ZFPM2: variants seen among roughly 807,000 people sequenced by gnomAD.
The protein encoded by ZFPM2 is zinc finger protein ZFPM2.
In ZFPM2, 20 loss-of-function variants were observed where a neutral mutation model predicts 98.6. The ratio of observed to expected loss-of-function variants is 0.20; its 90% CI spans 0.14 to 0.29. The LOEUF (loss-of-function observed/expected upper bound fraction) is 0.29. Among genes scored for constraint, ZFPM2 ranks in the 10% least tolerant of loss-of-function variants. The pLI, the probability that ZFPM2 is intolerant of heterozygous loss-of-function variation, is 1.00. For missense variants in ZFPM2, 1,310 were observed against 1,388.6 expected (o/e 0.94, Z 0.90); for synonymous variants, 518 against 502.7 (o/e 1.03, Z -0.41).
chr8:105,337,603 T>C (rs1213005140), intron 1 of ZFPM2, among the ~76,000 whole-genome samples: 1 of 151,850 alleles, frequency 6.6e-6, no homozygotes, highest in Admixed American at 6.6e-5. Context: ...AATAAGTCAA[T>C]AACTGAATAT....
chr8:105,543,352 G>A (rs1288935812), intron 3 of ZFPM2, among the ~76,000 whole-genome samples: 1 of 152,086 alleles, frequency 6.6e-6, no homozygotes, highest in Non-Finnish European at 1.5e-5. Context: ...CTAGCTTGAT[G>A]GCCCACACCT....
chr8:105,709,147 G>A (rs1225455039), intron 5 of ZFPM2, among the ~76,000 whole-genome samples: 1 of 152,188 alleles, frequency 6.6e-6, no homozygotes, highest in Non-Finnish European at 1.5e-5. Flanking sequence ...AGGTCAGAAA[G>A]GGAGAAAAGG....
intron 5 of ZFPM2, among the ~76,000 whole-genome samples, chr8:105,655,945 ATT>A (rs35547566): frequency 6.6e-6 from 1 of 151,038 alleles, no homozygotes; most frequent in Admixed American, 6.6e-5. Context: ...TCATTCATTC[ATT>A]TTTTTTTCTT....
intron 3 of ZFPM2, among the ~76,000 whole-genome samples, chr8:105,526,557 T>C (rs1299748465): frequency 1.3e-5 from 2 of 152,186 alleles, no homozygotes; most frequent in East Asian, 3.8e-4. Context: ...AATTTTATAT[T>C]TGCATTTGAG....
At chr8:105,491,264 C>T (rs572654907) in intron 3 of ZFPM2, among the ~76,000 whole-genome samples, 2 of 151,980 alleles carry the variant, frequency 1.3e-5, no homozygotes, top group Non-Finnish European at 2.9e-5. Context: ...AGAACTGCAT[C>T]CTTTCATAGT....
chr8:105,716,455 C>CAA (rs2130987485), intron 5 of ZFPM2, among the ~76,000 whole-genome samples: 1 of 151,882 alleles, frequency 6.6e-6, no homozygotes, highest in East Asian at 1.9e-4. Flanking sequence ...CATATGTTTA[C>CAA]ATATATGTCT....
At chr8:105,418,513 C>T (rs897739548) in intron 1 of ZFPM2, 1 of 513,586 alleles carries the variant, frequency 1.9e-6, no homozygotes, top group African/African-American at 1.9e-5. Context: ...CACATAAATA[C>T]AAATTACATT....
At chr8:105,441,450 GAGAGAA>G (rs1214901597) in intron 2 of ZFPM2, among the ~76,000 whole-genome samples, 19 of 82,852 alleles carry the variant, frequency 2.3e-4, no homozygotes, top group South Asian at 1.2e-3. Context: ...GAGAGAGAGA[GAGAGAA>G]AGAAAGAAAG....
chr8:105,802,003 G>A lies in ZFPM2; in HGVS notation c.1921G>A (p.Gly641Ser), dbSNP rs1814036449. The change falls in exon 8 of 8, where the codon GGC becomes AGC. Residue 641 changes from glycine to serine, a missense_variant. Physicochemically the swap from Gly to Ser is moderately conservative, Grantham distance 56. Transcript: ENST00000407775. ...AGATTTAATTGGGCCAAATGGGAAG[G>A]GCCATGACAAGGACTTTTCCACTCA... is the stretch of plus-strand genomic sequence containing the variant. The part of the protein sequence containing the change: ...VLDLIGPNGK[G>S]HDKDFSTQTK... 1.2e-6 allele frequency: 2 copies of A among 1,613,690 alleles called. No homozygotes were observed. Among genetic ancestry groups the A allele is most frequent in the Non-Finnish European group, 1.7e-6 (2 of 1,179,838 alleles).
intron 3 of ZFPM2, among the ~76,000 whole-genome samples, chr8:105,550,223 A>G (rs1196580133): frequency 6.6e-6 from 1 of 152,068 alleles, no homozygotes; most frequent in East Asian, 1.9e-4. Context: ...ACCTCCTTCA[A>G]AACTCACCCT....
intron 5 of ZFPM2, among the ~76,000 whole-genome samples, chr8:105,754,054 G>A (rs1812536544): frequency 6.6e-6 from 1 of 152,128 alleles, no homozygotes; most frequent in South Asian, 2.1e-4. Context: ...AAAAATAAAT[G>A]TAGCTATCAT....
At chr8:105,485,615 G>A (rs1813216382) in intron 3 of ZFPM2, among the ~76,000 whole-genome samples, 1 of 152,194 alleles carries the variant, frequency 6.6e-6, no homozygotes, top group Non-Finnish European at 1.5e-5. Context: ...GGCAAAAGAT[G>A]ATGAGGACTT....
chr8:105,627,182 C>T (rs1816674829), intron 4 of ZFPM2, among the ~76,000 whole-genome samples: 1 of 152,170 alleles, frequency 6.6e-6, no homozygotes, highest in Non-Finnish European at 1.5e-5. Context: ...AAGGCTTCCT[C>T]CTTTGTCGGT....
chr8:105,624,635 A>G lies in ZFPM2; in HGVS notation c.421-9611A>G, dbSNP rs143271907. On this transcript the variant is annotated intron_variant, in intron 4 of 7. Coordinates refer to ENST00000407775, the MANE Select transcript of ZFPM2 (RefSeq NM_012082.4). ...ATTTTATATTATTTTTTAAAATATCATGAAATGATATTTGGAAGCAAACAT... is the reference window on the plus strand; with the variant it reads ...ATTTTATATTATTTTTTAAAATATCGTGAAATGATATTTGGAAGCAAACAT... Among the ~76,000 whole-genome samples the G allele has an allele frequency of 5.9e-5, 9 of 152,286 alleles. No homozygotes were observed. In the East Asian group the frequency reaches 1.7e-3, roughly 29 times the overall value.
rs535217541 is a variant in ZFPM2 at position 105,460,306 on chromosome 8, T to A, written c.301+15925T>A. On this transcript the variant is annotated intron_variant, in intron 3 of 7. Transcript: ENST00000407775. ...GAATTTAGAGAGAATAAAGAAGGTC[T>A]CAAAAGGAAGAGGCTTTGCTTGAGG... 3.3e-5 allele frequency among the ~76,000 whole-genome samples: 5 copies of A among 152,218 alleles called. No homozygotes were observed. In the South Asian group the frequency reaches 1.0e-3, roughly 32 times the overall value.
intron 2 of ZFPM2, among the ~76,000 whole-genome samples, chr8:105,431,063 C>T (rs1812010462): frequency 6.6e-6 from 1 of 151,966 alleles, no homozygotes; most frequent in African/African-American, 2.4e-5. Flanking sequence ...CCCACCATGC[C>T]TGGATAATTT....
chr8:105,487,126 T>C (rs1214432666), intron 3 of ZFPM2, among the ~76,000 whole-genome samples: 1 of 152,122 alleles, frequency 6.6e-6, no homozygotes, highest in Admixed American at 6.5e-5. Flanking sequence ...TATATTTTTA[T>C]TTTTGAGATA....
intron 5 of ZFPM2, among the ~76,000 whole-genome samples, chr8:105,771,867 T>C (rs79536798): frequency 0.013 from 1,977 of 152,302 alleles, 33 homozygotes; most frequent in Admixed American, 0.044. Flanking sequence ...TGCTATTATG[T>C]TGACTGAGCA....
At chr8:105,394,150 C>G (rs1399903484) in intron 1 of ZFPM2, among the ~76,000 whole-genome samples, 1 of 152,084 alleles carries the variant, frequency 6.6e-6, no homozygotes, top group Non-Finnish European at 1.5e-5. Context: ...GCCTCGGCCT[C>G]CCAAAGTGCT....
Sources: allele counts gnomAD v4.1 joint callset (sites outside exome capture counted in the v4.1 genomes callset), GRCh38; gene constraint gnomAD v4.1.1; transcripts MANE v1.5; gene names NCBI Gene and HGNC (gene_info 2026-07-23, HGNC 2026-07-21).